The following RFX3 variants were observed in gnomAD, a reference collection of about 807,000 sequenced individuals.
RFX3 encodes regulatory factor X3.
A neutral mutation model predicts 98.6 loss-of-function variants in RFX3; 14 were observed. That is an observed-to-expected ratio of 0.14 (90% CI 0.09 to 0.22). The LOEUF is 0.22. Among genes scored for constraint, RFX3 ranks in the 10% least tolerant of loss-of-function variants. The pLI is 1.00. For missense variants in RFX3, 639 were observed against 926.9 expected (o/e 0.69, Z 4.03); for synonymous variants, 383 against 328.4 (o/e 1.17, Z -1.80).
chr9:3,249,103 G>A (rs946712091), intron 14 of RFX3, among the ~76,000 whole-genome samples: 50 of 152,008 alleles, frequency 3.3e-4, no homozygotes, highest in African/African-American at 1.1e-3. Flanking sequence ...AAGATTTTTG[G>A]CAGATGAACA....
chr9:3,447,280 C>CTTTA (rs1407533926), intron 1 of RFX3, among the ~76,000 whole-genome samples: 6 of 152,114 alleles, frequency 3.9e-5, no homozygotes, highest in African/African-American at 1.4e-4. Context: ...TAACAGTGGA[C>CTTTA]TTTACCTCAG....
At chr9:3,504,175 T>C (rs1192168340) in intron 1 of RFX3, among the ~76,000 whole-genome samples, 1 of 98,162 alleles carries the variant, frequency 1.0e-5, no homozygotes, top group Non-Finnish European at 1.7e-5. Flanking sequence ...ATATATTATA[T>C]ATTATACATA....
chr9:3,285,043 C>T (rs538553456), intron 7 of RFX3, among the ~76,000 whole-genome samples: 3 of 151,808 alleles, frequency 2.0e-5, no homozygotes, highest in African/African-American at 7.2e-5. Flanking sequence ...TCATTCTTAT[C>T]CCTACAATGA....
rs546858790 is a variant in RFX3, at chr9:3,488,167, A to C, written c.-9+37580T>G. ...CAAAATGAAAAGAGGTCCAAAAATCAAATTGAAAGAGAAAAAGAGGGAAGG... is the reference window on the plus strand; with the variant it reads ...CAAAATGAAAAGAGGTCCAAAAATCCAATTGAAAGAGAAAAAGAGGGAAGG... On this transcript the variant is annotated intron_variant, in intron 1 of 16. Coordinates refer to ENST00000617270, the MANE Select transcript of RFX3 (RefSeq NM_001282116.2). 3.3e-5 allele frequency among the ~76,000 whole-genome samples: 5 copies of C among 152,264 alleles called. No individual in the cohort carries two copies. In the East Asian group the frequency reaches 9.6e-4, roughly 29 times the overall value.
chr9:3,314,638 C>G (rs1436128913), intron 4 of RFX3, among the ~76,000 whole-genome samples: 2 of 151,816 alleles, frequency 1.3e-5, no homozygotes, highest in African/African-American at 4.8e-5. Flanking sequence ...ATCTCATGTA[C>G]AGAGACACAC....
chr9:3,317,755 T>C (rs200963882), intron 4 of RFX3, among the ~76,000 whole-genome samples: 40 of 152,162 alleles, frequency 2.6e-4, no homozygotes, highest in Admixed American at 3.9e-4. Context: ...ATGCAGCCAA[T>C]AGACACATGA....
At chr9:3,314,354 C>A (rs1474563121) in intron 4 of RFX3, among the ~76,000 whole-genome samples, 1 of 152,150 alleles carries the variant, frequency 6.6e-6, no homozygotes, top group Admixed American at 6.5e-5. Flanking sequence ...GCCTGCCTTA[C>A]AAGAGCTGCT....
chr9:3,415,815 C>G (rs999411641), intron 1 of RFX3, among the ~76,000 whole-genome samples: 66 of 152,290 alleles, frequency 4.3e-4, no homozygotes, highest in African/African-American at 1.5e-3. Flanking sequence ...TATATTCCCT[C>G]TCACACCACA....
At chr9:3,286,498 T>A (rs1381991368) in intron 7 of RFX3, among the ~76,000 whole-genome samples, 2 of 151,846 alleles carry the variant, frequency 1.3e-5, no homozygotes, top group Non-Finnish European at 2.9e-5. Context: ...GTCTTCAGTC[T>A]GGTGCACTTA....
chr9:3,362,717 T>C (rs1836599020), intron 2 of RFX3, among the ~76,000 whole-genome samples: 1 of 152,202 alleles, frequency 6.6e-6, no homozygotes, highest in Non-Finnish European at 1.5e-5. Flanking sequence ...CTGGCTCTCT[T>C]GACCTTGTGA....
Position 3,262,838 on chromosome 9 carries a change from T to A in RFX3, c.1605+97A>T. 3.2e-6 allele frequency: 4 copies of A among 1,259,858 alleles called. No individual in the cohort carries two copies. In the Admixed American group the frequency reaches 7.5e-5, roughly 24 times the overall value. The allele number at this position is 1,259,858 out of a possible 1,614,324, so 78.0% of individuals were successfully genotyped here. A position where few individuals can be genotyped will look rare whatever the true frequency, so the allele number is the denominator to read the frequency against. The stretch of plus-strand genomic sequence containing the variant: ...CTGTGAATATAGATGCTGCCATATA[T>A]AGATGAGACTTTGAAAAGAAATTTG... On this transcript the variant is annotated intron_variant, in intron 13 of 16. Coordinates refer to ENST00000617270, the MANE Select transcript of RFX3 (RefSeq NM_001282116.2).
At chr9:3,524,659 C>T (rs763849199) in intron 1 of RFX3, 3 of 979,722 alleles carry the variant, frequency 3.1e-6, no homozygotes, top group Non-Finnish European at 3.6e-6. Context: ...ATCACAAAGT[C>T]TCATAATCAC....
intron 1 of RFX3, among the ~76,000 whole-genome samples, chr9:3,522,439 C>G (rs900914449): frequency 6.6e-6 from 1 of 152,082 alleles, no homozygotes; most frequent in African/African-American, 2.4e-5. Context: ...TAACCAGGAG[C>G]CTCTCAAAAA....
intron 1 of RFX3, among the ~76,000 whole-genome samples, chr9:3,445,892 T>C (rs1443085445): frequency 6.6e-6 from 1 of 152,182 alleles, no homozygotes; most frequent in Non-Finnish European, 1.5e-5. Context: ...AATGAAGTTT[T>C]ATCTTTCCAG....
chr9:3,283,785 T>G (rs1276707893), intron 7 of RFX3, among the ~76,000 whole-genome samples: 1 of 151,724 alleles, frequency 6.6e-6, no homozygotes, highest in African/African-American at 2.4e-5. Flanking sequence ...GGTGGCACAT[T>G]TCCTCAGTTA....
chr9:3,417,251 G>A (rs1201918370), intron 1 of RFX3, among the ~76,000 whole-genome samples: 1 of 151,966 alleles, frequency 6.6e-6, no homozygotes, highest in African/African-American at 2.4e-5. Flanking sequence ...CAGTATTATT[G>A]ATGGATATTT....
chr9:3,439,859 A>G (rs1449418615), intron 1 of RFX3, among the ~76,000 whole-genome samples: 1 of 152,028 alleles, frequency 6.6e-6, no homozygotes, highest in Non-Finnish European at 1.5e-5. Flanking sequence ...ATGTACATAA[A>G]TGTAAAAATC....
chr9:3,434,417 T>A (rs777336238), intron 1 of RFX3, among the ~76,000 whole-genome samples: 1 of 152,226 alleles, frequency 6.6e-6, no homozygotes, highest in South Asian at 2.1e-4. Flanking sequence ...CATGGTAGAT[T>A]TTCTAATAAA....
chr9:3,261,495 C>T (rs1822885163), intron 13 of RFX3, among the ~76,000 whole-genome samples: 2 of 152,024 alleles, frequency 1.3e-5, no homozygotes, highest in Admixed American at 1.3e-4. Flanking sequence ...TTTTATTGCC[C>T]AATAATATTC....
Sources: allele counts gnomAD v4.1 joint callset (sites outside exome capture counted in the v4.1 genomes callset), GRCh38; gene constraint gnomAD v4.1.1; transcripts MANE v1.5; gene names NCBI Gene and HGNC (gene_info 2026-07-23, HGNC 2026-07-21).